The following GSN variants were observed in gnomAD, a reference collection of about 807,000 sequenced individuals.
GSN encodes the protein gelsolin, also known as actin-depolymerizing factor.
A neutral mutation model predicts 85.7 loss-of-function variants in GSN; 56 were observed. The observed-to-expected ratio is 0.65, with a 90% CI of 0.53 to 0.82. The LOEUF (loss-of-function observed/expected upper bound fraction) is 0.82, where lower values mean the gene tolerates loss of function less well. Ranked by LOEUF, GSN falls within the 40% of genes least tolerant of loss-of-function variation. The pLI is 0.00. For synonymous variants in GSN, 373 were observed against 399.1 expected (o/e 0.93, Z 0.78); for missense variants, 857 against 979.8 (o/e 0.87, Z 1.67).
chr9:121,321,402 G>T lies in GSN; in HGVS notation c.1325+1G>T, dbSNP rs890710155. On this transcript the variant is annotated splice_donor_variant, in intron 11 of 17. Transcript: ENST00000432226. LOFTEE classifies it high-confidence loss of function. ...GCCAGGGGCAGATAATCTATAACTG[G>T]TGAGGTTCTGGGGCCATTGGTGTGT... The T allele has an allele frequency of 6.2e-6, 10 of 1,613,942 alleles. No homozygotes were observed. The highest frequency in any genetic ancestry group is 8.5e-6 in the Non-Finnish European group (10 of 1,179,872).
chr9:121,265,679 G>A (rs2055183138), upstream of GSN: 1 of 152,232 alleles, frequency 6.6e-6, no homozygotes, highest in Non-Finnish European at 1.5e-5. Context: ...TGGGAAGGAG[G>A]TGGTCTTCTG....
Position 121,300,118 on chromosome 9 carries a change from T to C in GSN, c.-9-1845T>C, listed in dbSNP as rs776463605. On this transcript the variant is annotated intron_variant, in intron 2 of 17. Coordinates refer to ENST00000432226, the MANE Select transcript of GSN (RefSeq NM_198252.3). ...CAGGTCTAGAATGGAAAAACTGTTT[T>C]GTTGCTTTGTAAGTATCTCTTGCTG... 19 of 1,608,362 alleles carry C rather than the reference T, an allele frequency of 1.2e-5. No homozygotes were observed. In the Admixed American group the frequency reaches 3.0e-4, roughly 25 times the overall value.
chr9:121,302,777 C>T lies in GSN; in HGVS notation c.197-134C>T, dbSNP rs539608693. ...TTATACAGATGGATTAACTGAGGCTCACAGAAGGCAAGGGCTTTCTCAGCT... is the reference window on the plus strand; with the variant it reads ...TTATACAGATGGATTAACTGAGGCTTACAGAAGGCAAGGGCTTTCTCAGCT... On this transcript the variant is annotated intron_variant, in intron 3 of 17. Transcript: ENST00000432226. 1,090 of 845,562 alleles carry T rather than the reference C, an allele frequency of 1.3e-3. 13 individuals are homozygous for T. The highest frequency in any genetic ancestry group is 0.011 in the South Asian group (796 of 71,732). 52.4% of individuals were successfully genotyped at this position (845,562 alleles called of 1,614,324 possible). A position where few individuals can be genotyped will look rare whatever the true frequency, so the allele number is the denominator to read the frequency against.
chr9:121,251,184 G>GTTTTTTTTTTTTTTTTT (rs1339859188), intron 6 of GSN, among the ~76,000 whole-genome samples: 4 of 6,366 alleles, frequency 6.3e-4, no homozygotes, highest in Non-Finnish European at 7.8e-4. Flanking sequence ...CAGCTGATGT[G>GTTTTTTTTTTTTTTTTT]TTCTTTTTTT....
chr9:121,202,434 T>G, the GSN span, among the ~76,000 whole-genome samples: 1 of 152,196 alleles, frequency 6.6e-6, no homozygotes, highest in African/African-American at 2.4e-5. Flanking sequence ...TGGTCAACTC[T>G]CTTGTCCAAG....
intron 2 of GSN, among the ~76,000 whole-genome samples, chr9:121,287,212 AG>A (rs1296092163): frequency 6.6e-6 from 1 of 152,102 alleles, no homozygotes; most frequent in Non-Finnish European, 1.5e-5. Context: ...TGGGTGACTC[AG>A]CCCTGAGTCA....
chr9:121,212,829 A>T (rs2053992261), intron 4 of GSN, among the ~76,000 whole-genome samples: 1 of 151,768 alleles, frequency 6.6e-6, no homozygotes, highest in Non-Finnish European at 1.5e-5. Context: ...TATTTTTTTT[A>T]GTAGAGTAGG....
At chr9:121,211,554 C>T (rs911605909) in intron 4 of GSN, among the ~76,000 whole-genome samples, 8 of 152,110 alleles carry the variant, frequency 5.3e-5, no homozygotes, top group Non-Finnish European at 1.2e-4. Context: ...GGGGATCTGG[C>T]TGGGATAGGG....
intron 1 of GSN, among the ~76,000 whole-genome samples, chr9:121,269,020 G>A (rs2055503862): frequency 6.6e-6 from 1 of 152,190 alleles, no homozygotes; most frequent in South Asian, 2.1e-4. Flanking sequence ...TTTCTTCCTA[G>A]CTCCTTGTCT....
intron 2 of GSN, chr9:121,281,901 C>T: frequency 2.1e-6 from 1 of 471,346 alleles, no homozygotes; most frequent in South Asian, 1.5e-5. Context: ...TGTAGAAGAG[C>T]AGAGTCCCCA....
chr9:121,213,386 C>T, intron 4 of GSN, among the ~76,000 whole-genome samples: 1 of 152,226 alleles, frequency 6.6e-6, no homozygotes, highest in East Asian at 1.9e-4. Flanking sequence ...ATCAGGCGTG[C>T]TCCACCAGAG....
intron 4 of GSN, among the ~76,000 whole-genome samples, chr9:121,219,608 G>C (rs1420744746): frequency 1.3e-5 from 2 of 152,096 alleles, no homozygotes; most frequent in African/African-American, 4.8e-5. Context: ...CCAACATGGC[G>C]CTGGATTTGA....
chr9:121,215,968 AC>A (rs1382947588), intron 4 of GSN, among the ~76,000 whole-genome samples: 2 of 152,100 alleles, frequency 1.3e-5, no homozygotes, highest in African/African-American at 4.8e-5. Context: ...ATTTCTGTGG[AC>A]TGAAAGGCTC....
At chr9:121,262,257 A>C (rs1356020584) in intron 6 of GSN, among the ~76,000 whole-genome samples, 1 of 152,234 alleles carries the variant, frequency 6.6e-6, no homozygotes, top group East Asian at 1.9e-4. Flanking sequence ...TATAGAAAGA[A>C]TCTGGGCTTT....
chr9:121,281,745 G>A (rs975719456), intron 2 of GSN, 183 bp downstream of exon 2: 2 of 471,102 alleles, frequency 4.2e-6, no homozygotes, highest in Admixed American at 2.3e-5. Context: ...TCCTTGAGAG[G>A]GAGGTCAGGC....
chr9:121,230,183 T>C (rs537829831), intron 4 of GSN, among the ~76,000 whole-genome samples: 2 of 152,316 alleles, frequency 1.3e-5, no homozygotes, highest in East Asian at 3.9e-4. Flanking sequence ...TGAACCTTCT[T>C]TGTTTTCTGG....
chr9:121,211,805 C>T (rs995551392), intron 4 of GSN, among the ~76,000 whole-genome samples: 2 of 152,096 alleles, frequency 1.3e-5, no homozygotes, highest in Non-Finnish European at 2.9e-5. Context: ...CTCCCAATAA[C>T]CACCTCCCCA....
intron 1 of GSN, among the ~76,000 whole-genome samples, chr9:121,277,207 A>T (rs554244593): frequency 9.2e-5 from 14 of 152,364 alleles, no homozygotes; most frequent in African/African-American, 3.1e-4. Flanking sequence ...GTTAGGTCAG[A>T]GACTTAATAC....
intron 11 of GSN, among the ~76,000 whole-genome samples, chr9:121,322,532 G>T (rs1288152921): frequency 6.6e-6 from 1 of 152,210 alleles, no homozygotes; most frequent in Non-Finnish European, 1.5e-5. Flanking sequence ...CTTTGAACAT[G>T]CAGAGACATG....
Sources: allele counts gnomAD v4.1 joint callset (sites outside exome capture counted in the v4.1 genomes callset), GRCh38; gene constraint gnomAD v4.1.1; transcripts MANE v1.5; gene names NCBI Gene and HGNC (gene_info 2026-07-23, HGNC 2026-07-21).